The following TNFAIP8 variants were observed in gnomAD, a reference collection of about 807,000 sequenced individuals.
TNFAIP8 encodes the protein TNF alpha induced protein 8.
TNFAIP8 carries 7 observed loss-of-function variants against 13.3 expected under a neutral mutation model. The observed-to-expected ratio is 0.52, with a 90% CI of 0.30 to 0.99. TNFAIP8 has a LOEUF of 0.99. Ranked by LOEUF, TNFAIP8 falls within the 50% of genes least tolerant of loss-of-function variation. The pLI is 0.07. For synonymous variants in TNFAIP8, 94 were observed against 87.6 expected (o/e 1.07, Z -0.41); for missense variants, 258 against 236.9 (o/e 1.09, Z -0.58).
intron 1 of TNFAIP8, among the ~76,000 whole-genome samples, chr5:119,270,043 C>A (rs565596796): frequency 5.1e-4 from 78 of 152,268 alleles, no homozygotes; most frequent in Middle Eastern, 3.4e-3. Context: ...TGATAATAAT[C>A]CATTTATGAA....
At chr5:119,355,354 G>T, upstream of TNFAIP8, 1 of 702,468 alleles carries the variant, frequency 1.4e-6, no homozygotes, top group South Asian at 1.5e-5. Context: ...GGGCTATACT[G>T]AATGAGTAAG....
chr5:119,376,183 C>T (rs960377377), intron 1 of TNFAIP8, among the ~76,000 whole-genome samples: 8 of 151,346 alleles, frequency 5.3e-5, no homozygotes, highest in African/African-American at 1.7e-4. Context: ...GGTGCAATCT[C>T]GGCTCACTGC....
Position 119,392,907 on chromosome 5 carries a change from C to A in TNFAIP8, c.123C>A (p.Thr41=). The change falls in exon 2 of 2, where the codon ACC becomes ACA. Residue 41 remains threonine, a synonymous_variant. Coordinates refer to ENST00000504771, the MANE Select transcript of TNFAIP8 (RefSeq NM_014350.4). ...TGGTGTCCAAATCCATCGCCACCAC[C>A]TTAATAGACGACACAAGTAGTGAGG... The part of the protein sequence containing the change: ...GKMVSKSIAT[T]LIDDTSSEVL... 6.3e-7 allele frequency: 1 copy of A among 1,598,014 alleles called. No homozygotes were observed. Among genetic ancestry groups the A allele is most frequent in the East Asian group, 2.3e-5 (1 of 44,054 alleles).
upstream of TNFAIP8, chr5:119,355,174 C>T (rs1262041143): frequency 1.5e-6 from 1 of 649,832 alleles, no homozygotes. Context: ...CTTCTTTATT[C>T]TATCAGCATT....
chr5:119,341,384 T>C (rs1750731958), intron 1 of TNFAIP8, among the ~76,000 whole-genome samples: 1 of 152,076 alleles, frequency 6.6e-6, no homozygotes, highest in African/African-American at 2.4e-5. Context: ...ACAGGTCTCA[T>C]CTAAAGGCAT....
rs575388080 is a variant in TNFAIP8, at chr5:119,287,981, C to T, written c.1+19074C>T. 7.9e-5 allele frequency among the ~76,000 whole-genome samples: 12 copies of T among 152,264 alleles called. No homozygotes were observed. In the East Asian group the frequency reaches 2.3e-3, roughly 29 times the overall value. ...CCACCTTGTACGTGAGTAATTGGCC[C>T]ATAAGCTCTTGTCTGATGAGGTGAG... On this transcript the variant is annotated intron_variant, in intron 1 of 1. Coordinates refer to the TNFAIP8 transcript ENST00000274456.
chr5:119,316,836 C>G (rs1398005470), intron 1 of TNFAIP8, among the ~76,000 whole-genome samples: 1 of 152,122 alleles, frequency 6.6e-6, no homozygotes, highest in South Asian at 2.1e-4. Flanking sequence ...TGGTAATATC[C>G]AAAGACAATT....
chr5:119,269,901 A>G (rs1428105381), intron 1 of TNFAIP8, among the ~76,000 whole-genome samples: 2 of 152,232 alleles, frequency 1.3e-5, no homozygotes, highest in Non-Finnish European at 2.9e-5. Flanking sequence ...TTGTACAAAT[A>G]GTTTCTTCAT....
At chr5:119,367,533 G>A (rs891010179) in intron 1 of TNFAIP8, among the ~76,000 whole-genome samples, 3 of 152,112 alleles carry the variant, frequency 2.0e-5, no homozygotes, top group African/African-American at 7.2e-5. Context: ...CCTATCTTGT[G>A]AACTAGTTAA....
In TNFAIP8 at chr5:119,311,789, A is replaced by G. The variant is rs2112671948; in HGVS notation, c.1+42882A>G. ...AGAGTAAAATTATTAGGAAGTGCTG[A>G]TGAAGGGACATTGTGGGTGTTCACC... On this transcript the variant is annotated intron_variant, in intron 1 of 1. Coordinates refer to the TNFAIP8 transcript ENST00000274456. Among the ~76,000 whole-genome samples the G allele has an allele frequency of 1.3e-5, 2 of 151,918 alleles. 1 individual carries two copies. Among genetic ancestry groups the G allele is most frequent in the African/African-American group, 4.8e-5 (2 of 41,456 alleles).
upstream of TNFAIP8, among the ~76,000 whole-genome samples, chr5:119,351,672 G>A (rs1315588494): frequency 1.3e-5 from 2 of 152,176 alleles, no homozygotes; most frequent in African/African-American, 4.8e-5. Flanking sequence ...TTGAGGCACA[G>A]AGCTTGATCT....
intron 1 of TNFAIP8, among the ~76,000 whole-genome samples, chr5:119,357,304 A>G (rs545090014): frequency 8.1e-4 from 124 of 152,314 alleles, no homozygotes; most frequent in African/African-American, 2.9e-3. Flanking sequence ...GATGTGGAGT[A>G]TGGGGGGAGT....
At chr5:119,318,199 G>A (rs1258241878) in intron 1 of TNFAIP8, among the ~76,000 whole-genome samples, 1 of 151,826 alleles carries the variant, frequency 6.6e-6, no homozygotes, top group Non-Finnish European at 1.5e-5. Flanking sequence ...GTGATTGATT[G>A]ACACTTCTTT....
intron 1 of TNFAIP8, among the ~76,000 whole-genome samples, chr5:119,311,688 C>CAAAAAAAAAAAAAAAAAAAAAA (rs55965350): frequency 1.5e-5 from 1 of 66,666 alleles, no homozygotes; most frequent in African/African-American, 6.5e-5. Context: ...GACTCCGTCT[C>CAAAAAAAAAAAAAAAAAAAAAA]AAAAAAAAAA....
chr5:119,275,597 GA>G (rs925045156), intron 1 of TNFAIP8, among the ~76,000 whole-genome samples: 3 of 152,104 alleles, frequency 2.0e-5, no homozygotes, highest in African/African-American at 7.2e-5. Context: ...TGTAATGGTA[GA>G]AAATGAGAAA....
chr5:119,312,743 T>TACAAAAAAAA (rs1749771918), intron 1 of TNFAIP8, among the ~76,000 whole-genome samples: 1 of 19,762 alleles, frequency 5.1e-5, no homozygotes, highest in African/African-American at 2.4e-4. Context: ...CTGCAAAAAA[T>TACAAAAAAAA]ACAAAAAAAA....
Position 119,342,315 on chromosome 5 carries a change from TGAA to T in TNFAIP8, c.2-50496_2-50494del, listed in dbSNP as rs574253497. On this transcript the variant is annotated intron_variant, in intron 1 of 1. Transcript: ENST00000274456. ...CGGAACCAGCACCAGCCACTGAACA[TGAA>T]GAAGGTTTTGACTTTATCTTTTTAA... Among the ~76,000 whole-genome samples, 430 of 152,322 alleles carry T rather than the reference TGAA, an allele frequency of 2.8e-3. 3 individuals carry two copies. Among genetic ancestry groups the T allele is most frequent in the African/African-American group, 9.5e-3 (396 of 41,570 alleles).
At chr5:119,377,268 T>C (rs1752319396) in intron 1 of TNFAIP8, among the ~76,000 whole-genome samples, 1 of 151,750 alleles carries the variant, frequency 6.6e-6, no homozygotes, top group South Asian at 2.1e-4. Flanking sequence ...CCAAGCATAG[T>C]GGCATGCACA....
intron 1 of TNFAIP8, among the ~76,000 whole-genome samples, chr5:119,320,748 C>T (rs1279316265): frequency 6.7e-6 from 1 of 148,572 alleles, no homozygotes; most frequent in Non-Finnish European, 1.5e-5. Flanking sequence ...GACTTGACTT[C>T]CAGGGCATCA....
Sources: gnomAD v4.1 joint callset for allele counts (sites outside exome capture counted in the v4.1 genomes callset) on GRCh38, gnomAD v4.1.1 for gene constraint, MANE v1.5 for transcripts, NCBI Gene and HGNC (gene_info 2026-07-23, HGNC 2026-07-21) for gene names.